ERMP1: variants seen among roughly 807,000 people sequenced by gnomAD.
ERMP1 encodes the protein endoplasmic reticulum metallopeptidase 1.
ERMP1 carries 86 observed loss-of-function variants against 92.0 expected under a neutral mutation model. The ratio of observed to expected loss-of-function variants is 0.93; its 90% confidence interval spans 0.79 to 1.12. ERMP1 has a LOEUF of 1.12. Ranked by LOEUF, ERMP1 falls within the 50% of genes most tolerant of loss-of-function variation. The pLI is 0.00. For missense variants in ERMP1, 1,342 were observed against 1,116.3 expected, an observed-to-expected ratio of 1.20 and a Z score of -2.88; for synonymous variants, 530 against 412.8, an observed-to-expected ratio of 1.28 and a Z score of -3.44.
chr9:5,796,116 G>A lies in ERMP1; in HGVS notation c.2386+1701C>T, dbSNP rs138091202. On this transcript the variant is annotated intron_variant, in intron 13 of 14. Coordinates refer to ENST00000339450, the MANE Select transcript of ERMP1 (RefSeq NM_024896.3). ...AACACGGATAGGAAAAGCCATTATT[G>A]TTAAAATATCATTTCTTCCCACCTT... is the stretch of plus-strand genomic sequence containing the variant. Among the ~76,000 whole-genome samples, 78 of 152,156 alleles carry A rather than the reference G, an allele frequency of 5.1e-4. 1 individual carries two copies. The highest frequency in any genetic ancestry group is 7.4e-5 in the Non-Finnish European group (5 of 68,024).
upstream of ERMP1, among the ~76,000 whole-genome samples, chr9:5,835,218 C>T (rs1317965996): frequency 3.3e-5 from 5 of 152,030 alleles, no homozygotes; most frequent in African/African-American, 9.7e-5. Context: ...ACGGTATTCA[C>T]GTTTGAATAT....
intron 5 of ERMP1, among the ~76,000 whole-genome samples, chr9:5,863,948 A>G (rs1308945045): frequency 6.6e-6 from 1 of 152,122 alleles, no homozygotes; most frequent in African/African-American, 2.4e-5. Flanking sequence ...TTTATTTGAA[A>G]TCTTTTATTA....
Position 5,810,240 on chromosome 9 carries a change from G to C in ERMP1, c.1328-9C>G. On this transcript the variant is annotated splice_polypyrimidine_tract_variant and intron_variant, in intron 7 of 14. Coordinates refer to ENST00000339450, the MANE Select transcript of ERMP1 (RefSeq NM_024896.3). ...CTTCTTGTAGTTACCAGCTAATGAA[G>C]AGAAAACAAAAAGTTGAAATCACCA... is the stretch of plus-strand genomic sequence containing the variant. 1.9e-6 allele frequency: 3 copies of C among 1,606,856 alleles called. No homozygotes were observed. Among genetic ancestry groups the C allele is most frequent in the Non-Finnish European group, 1.7e-6 (2 of 1,174,850 alleles).
At chr9:5,858,558 T>C (rs371741103) in intron 6 of ERMP1, among the ~76,000 whole-genome samples, 1 of 152,192 alleles carries the variant, frequency 6.6e-6, no homozygotes, top group African/African-American at 2.4e-5. Flanking sequence ...TGCTAGCCTA[T>C]AGCTGCCCTT....
chr9:5,859,210 C>T (rs898317829), intron 6 of ERMP1, among the ~76,000 whole-genome samples: 5 of 152,192 alleles, frequency 3.3e-5, no homozygotes, highest in African/African-American at 4.8e-5. Flanking sequence ...CCTTCTGAAA[C>T]GGGATCTTCT....
intron 13 of ERMP1, among the ~76,000 whole-genome samples, chr9:5,796,876 G>C (rs1324607026): frequency 6.6e-6 from 1 of 152,094 alleles, no homozygotes; most frequent in African/African-American, 2.4e-5. Context: ...GGAACAACAG[G>C]CTTCGATTAA....
intron 4 of ERMP1, among the ~76,000 whole-genome samples, chr9:5,813,457 T>C (rs992710555): frequency 2.6e-5 from 4 of 152,172 alleles, no homozygotes; most frequent in South Asian, 4.1e-4. Flanking sequence ...TAGATACAAA[T>C]TGGGTATACC....
rs150248544 is a variant in ERMP1 at position 5,838,984 on chromosome 9, C to A, written n.3200-5672G>T. ...CAGTGTTCCCTTTAAGAGCCATGGGCCTGGCATCAGTCTCCAGCAACCCTG... is the reference window on the plus strand; with the variant it reads ...CAGTGTTCCCTTTAAGAGCCATGGGACTGGCATCAGTCTCCAGCAACCCTG... On this transcript the variant is annotated intron_variant and non_coding_transcript_variant, in intron 6 of 6. Transcript: ENST00000690753. Among the ~76,000 whole-genome samples, 784 of 152,250 alleles carry A rather than the reference C, an allele frequency of 5.1e-3. 5 individuals are homozygous for A. The highest frequency in any genetic ancestry group is 7.7e-3 in the Non-Finnish European group (521 of 68,000).
At chr9:5,846,458 G>T (rs1296854021) in intron 6 of ERMP1, among the ~76,000 whole-genome samples, 2 of 152,134 alleles carry the variant, frequency 1.3e-5, no homozygotes, top group African/African-American at 4.8e-5. Flanking sequence ...ATTTCACAGG[G>T]TTACCCTGAA....
chr9:5,866,702 T>G (rs956713744), intron 5 of ERMP1, among the ~76,000 whole-genome samples: 1 of 152,148 alleles, frequency 6.6e-6, no homozygotes, highest in Non-Finnish European at 1.5e-5. Flanking sequence ...TTAATAGTAT[T>G]ATAAAAGTTT....
intron 3 of ERMP1, among the ~76,000 whole-genome samples, chr9:5,824,733 A>C (rs1051166843): frequency 1.3e-5 from 2 of 152,170 alleles, no homozygotes; most frequent in African/African-American, 4.8e-5. Flanking sequence ...GAAAAAAAAG[A>C]GAACAGGAGA....
intron 10 of ERMP1, among the ~76,000 whole-genome samples, chr9:5,803,698 C>G (rs150388411): frequency 6.6e-6 from 1 of 152,102 alleles, no homozygotes; most frequent in African/African-American, 2.4e-5. Context: ...CAACAGCAAA[C>G]CTATCAAAAA....
chr9:5,794,643 C>T (rs1359817762), intron 13 of ERMP1, among the ~76,000 whole-genome samples: 1 of 151,996 alleles, frequency 6.6e-6, no homozygotes, highest in Admixed American at 6.6e-5. Flanking sequence ...AATCTGATAA[C>T]CTAGATAAAA....
rs921096946 is a variant in ERMP1, at chr9:5,860,104, C to T, written n.3056-493G>A. On this transcript the variant is annotated intron_variant and non_coding_transcript_variant, in intron 5 of 6. Transcript: ENST00000690753. ...TGCTTGAGCCCAGTTTGAGACCAGC[C>T]GGGGCAGTATAGTGAGACCTTGTCT... Among the ~76,000 whole-genome samples the T allele has an allele frequency of 3.5e-4, 51 of 147,566 alleles. 1 individual carries two copies. Among genetic ancestry groups the T allele is most frequent in the African/African-American group, 1.2e-3 (46 of 39,834 alleles).
chr9:5,812,242 A>C, intron 5 of ERMP1, 25 bp from the exon 6 acceptor site: 1 of 1,400,510 alleles, frequency 7.1e-7, no homozygotes, highest in Non-Finnish European at 9.8e-7. Context: ...TAGAAAAAAA[A>C]AAGTCATTTT....
At chr9:5,788,317 C>A (rs1347088345) in intron 13 of ERMP1, among the ~76,000 whole-genome samples, 1 of 152,160 alleles carries the variant, frequency 6.6e-6, no homozygotes, top group African/African-American at 2.4e-5. Context: ...TCTGAAAATA[C>A]TACTATAGTG....
intron 8 of ERMP1, among the ~76,000 whole-genome samples, chr9:5,807,255 A>G (rs890117629): frequency 2.0e-5 from 3 of 152,128 alleles, no homozygotes; most frequent in Admixed American, 6.5e-5. Context: ...TGCCCAAAAC[A>G]TTTTAATAGT....
chr9:5,788,407 AG>A (rs1400976435), intron 13 of ERMP1, among the ~76,000 whole-genome samples: 2 of 152,210 alleles, frequency 1.3e-5, no homozygotes, highest in African/African-American at 4.8e-5. Context: ...AAAGCTTCTC[AG>A]GGAAAAATAA....
rs79543086 is a variant in ERMP1 at position 5,853,065 on chromosome 9, A to G, written n.3199+6403T>C. ...AAACGGGTTTGGGCTTCTGGGGGTGAAAAATTGTAGGAAAGTGACTAGGAA... is the reference window on the plus strand; with the variant it reads ...AAACGGGTTTGGGCTTCTGGGGGTGGAAAATTGTAGGAAAGTGACTAGGAA... On this transcript the variant is annotated intron_variant and non_coding_transcript_variant, in intron 6 of 6. Coordinates refer to the ERMP1 transcript ENST00000690753. Among the ~76,000 whole-genome samples the G allele has an allele frequency of 2.1e-3, 315 of 152,308 alleles. 5 individuals carry two copies. The East Asian group carries it at 0.031, about 15-fold the overall frequency.
Sources: allele counts gnomAD v4.1 joint callset (sites outside exome capture counted in the v4.1 genomes callset), GRCh38; gene constraint gnomAD v4.1.1; transcripts MANE v1.5; gene names NCBI Gene and HGNC (gene_info 2026-07-23, HGNC 2026-07-21).